The following CCDC158 variants were observed in gnomAD, a reference collection of about 807,000 sequenced individuals.
CCDC158 encodes the protein coiled-coil domain containing 158, also known as coiled-coil domain-containing protein 158.
A neutral mutation model predicts 138.6 loss-of-function variants in CCDC158; 116 were observed. The observed-to-expected ratio is 0.84, with a 90% CI of 0.72 to 0.98. The LOEUF (loss-of-function observed/expected upper bound fraction) is 0.98. Ranked by LOEUF, CCDC158 falls within the 50% of genes least tolerant of loss-of-function variation. CCDC158 has a pLI of 0.00. For missense variants in CCDC158, 1,265 were observed against 1,306.1 expected (o/e 0.97, Z 0.48); for synonymous variants, 436 against 442.4 (o/e 0.99, Z 0.18).
In CCDC158 at chr4:76,338,233, C is replaced by T. The variant is rs79247655; in HGVS notation, c.2665-4066G>A. 5.2e-4 allele frequency among the ~76,000 whole-genome samples: 79 copies of T among 152,242 alleles called. No individual in the cohort carries two copies. In the East Asian group the frequency reaches 5.6e-3, roughly 11 times the overall value. On this transcript the variant is annotated intron_variant, in intron 18 of 24. Transcript: ENST00000682701. Reference sequence around the variant, plus strand: ...AATACAGATTAACATTAGCAAAAGCCGGGTGCAGTGGCTCACGCCTGTAAT... The same window carrying T: ...AATACAGATTAACATTAGCAAAAGCTGGGTGCAGTGGCTCACGCCTGTAAT...
At chr4:76,328,845 G>A (rs954564499) in intron 22 of CCDC158, 55 bp downstream of exon 22, 7 of 1,439,726 alleles carry the variant, frequency 4.9e-6, no homozygotes, top group East Asian at 2.3e-5. Flanking sequence ...TTTTACCCTC[G>A]TGGAAATGGG....
At chr4:76,395,453 G>A (rs1727694539) in intron 4 of CCDC158, among the ~76,000 whole-genome samples, 1 of 152,180 alleles carries the variant, frequency 6.6e-6, no homozygotes, top group Non-Finnish European at 1.5e-5. Context: ...ACAAATGGCA[G>A]TAACTGTACA....
chr4:76,381,590 G>A (rs111940803), intron 8 of CCDC158, among the ~76,000 whole-genome samples: 4,481 of 152,286 alleles, frequency 0.029, 217 homozygotes, highest in African/African-American at 0.1. Context: ...TAGGTGGAAC[G>A]GACTTATTTT....
chr4:76,358,283 C>A (rs1723781190), intron 13 of CCDC158, among the ~76,000 whole-genome samples: 1 of 152,190 alleles, frequency 6.6e-6, no homozygotes, highest in Non-Finnish European at 1.5e-5. Context: ...GTTGATTTAA[C>A]CTCCAAAAAT....
Position 76,367,566 on chromosome 4 carries a change from T to A in CCDC158, c.1558A>T (p.Thr520Ser). 3 of 1,614,228 alleles carry A rather than the reference T, an allele frequency of 1.9e-6. No individual in the cohort carries two copies. The East Asian group carries it at 6.7e-5, about 36-fold the overall frequency. ...AAGTCCACCCGGGAGCGGAGCTTTG[T>A]GATCTCTGCATTGGTAGCCTCGATG... ...RAIEATNAEI[T>S]KLRSRVDLKL... Residue 520 changes from threonine to serine, a missense_variant, in exon 12 of 25, where the codon ACA (threonine) becomes TCA (serine). Coordinates refer to ENST00000682701, the MANE Select transcript of CCDC158 (RefSeq NM_001394954.1).
chr4:76,321,359 A>G (rs767925754), intron 24 of CCDC158, among the ~76,000 whole-genome samples: 11 of 152,120 alleles, frequency 7.2e-5, no homozygotes, highest in Non-Finnish European at 1.6e-4. Context: ...CAGTACAGAG[A>G]TTTCTTAAAC....
intron 13 of CCDC158, among the ~76,000 whole-genome samples, chr4:76,359,117 T>A (rs745695553): frequency 9.0e-4 from 137 of 151,926 alleles, no homozygotes; most frequent in Non-Finnish European, 1.4e-3. Context: ...TCTCTCTCTC[T>A]ACTGCTACCA....
chr4:76,365,605 C>T (rs1451762809), intron 12 of CCDC158, among the ~76,000 whole-genome samples: 1 of 152,176 alleles, frequency 6.6e-6, no homozygotes, highest in Non-Finnish European at 1.5e-5. Context: ...GAATGCCATC[C>T]TTCCTTCTCT....
intron 18 of CCDC158, among the ~76,000 whole-genome samples, chr4:76,337,713 C>A (rs1231204775): frequency 1.4e-5 from 2 of 147,368 alleles, no homozygotes; most frequent in Admixed American, 1.4e-4. Flanking sequence ...GCCTGGGCAA[C>A]AAGAGCAAAA....
intron 11 of CCDC158, among the ~76,000 whole-genome samples, chr4:76,368,291 C>G (rs999827389): frequency 6.6e-6 from 1 of 151,960 alleles, no homozygotes; most frequent in Non-Finnish European, 1.5e-5. Flanking sequence ...TTTAATTTCC[C>G]TCCAACTTTA....
At chr4:76,313,565 C>T (rs534743978) in intron 24 of CCDC158, among the ~76,000 whole-genome samples, 1 of 152,306 alleles carries the variant, frequency 6.6e-6, no homozygotes, top group East Asian at 1.9e-4. Context: ...GTCAGGATTA[C>T]AGACATAAGC....
intron 1 of CCDC158, among the ~76,000 whole-genome samples, chr4:76,415,829 C>T (rs1283719115): frequency 6.6e-6 from 1 of 152,096 alleles, no homozygotes; most frequent in African/African-American, 2.4e-5. Flanking sequence ...GGACTGTGGT[C>T]TAGTGGTAGC....
chr4:76,313,875 G>C (rs1233408817), intron 24 of CCDC158, among the ~76,000 whole-genome samples: 1 of 152,078 alleles, frequency 6.6e-6, no homozygotes, highest in Non-Finnish European at 1.5e-5. Flanking sequence ...TAAGTTTCCA[G>C]TTCAGCTTAT....
At chr4:76,371,575 AC>A in intron 9 of CCDC158, 39 bp from the exon 10 acceptor site, 1 of 1,603,664 alleles carries the variant, frequency 6.2e-7, no homozygotes, top group Non-Finnish European at 8.5e-7. Flanking sequence ...TCTGATTATG[AC>A]AGTGGGTAAT....
chr4:76,348,514 G>A (rs565226349), intron 18 of CCDC158, among the ~76,000 whole-genome samples: 1 of 150,660 alleles, frequency 6.6e-6, no homozygotes, highest in Non-Finnish European at 1.5e-5. Flanking sequence ...ACCTCCCATT[G>A]GTTCCACCTT....
intron 4 of CCDC158, among the ~76,000 whole-genome samples, chr4:76,388,128 G>A (rs979775952): frequency 3.3e-5 from 5 of 152,130 alleles, no homozygotes; most frequent in Admixed American, 2.0e-4. Flanking sequence ...GCTGGCTTCC[G>A]GGGTGACCTA....
At chr4:76,392,760 AT>A (rs1727429679) in intron 4 of CCDC158, among the ~76,000 whole-genome samples, 1 of 151,876 alleles carries the variant, frequency 6.6e-6, no homozygotes. Context: ...ACCAAAAAAA[AT>A]GTTAGAACTA....
At chr4:76,318,362 C>T (rs989993654) in intron 24 of CCDC158, among the ~76,000 whole-genome samples, 2 of 151,954 alleles carry the variant, frequency 1.3e-5, no homozygotes, top group African/African-American at 2.4e-5. Flanking sequence ...TACAAAAGAT[C>T]ATTTAGGGCT....
chr4:76,382,430 T>C (rs531094142), intron 8 of CCDC158, among the ~76,000 whole-genome samples, 180 bp downstream of exon 8: 4 of 151,552 alleles, frequency 2.6e-5, no homozygotes, highest in Non-Finnish European at 5.9e-5. Context: ...ATACTTCTTA[T>C]ATGGTCAGAT....
Sources: allele counts gnomAD v4.1 joint callset (sites outside exome capture counted in the v4.1 genomes callset), GRCh38; gene constraint gnomAD v4.1.1; transcripts MANE v1.5; gene names NCBI Gene and HGNC (gene_info 2026-07-23, HGNC 2026-07-21).